The following ITGA9 variants were observed in gnomAD, a reference collection of about 807,000 sequenced individuals.
The protein encoded by ITGA9 is integrin alpha-9.
A neutral mutation model predicts 127.8 loss-of-function variants in ITGA9; 56 were observed. That is an observed-to-expected ratio of 0.44 (90% CI 0.35 to 0.55). ITGA9 has a LOEUF of 0.55. Among genes scored for constraint, ITGA9 ranks in the 20% least tolerant of loss-of-function variants. ITGA9 has a pLI of 0.00. For synonymous variants in ITGA9, 508 were observed against 514.5 expected (o/e 0.99, Z 0.17); for missense variants, 1,196 against 1,347.1 (o/e 0.89, Z 1.76).
chr3:37,777,367 C>T (rs1164926701), intron 23 of ITGA9, 25 bp from the exon 24 acceptor site: 3 of 1,613,964 alleles, frequency 1.9e-6, no homozygotes, highest in South Asian at 2.2e-5. Context: ...AATGACTCCT[C>T]TGACAGGCCT....
Position 37,525,139 on chromosome 3 carries a change from C to T in ITGA9, c.1328-887C>T, listed in dbSNP as rs760229131. On this transcript the variant is annotated intron_variant, in intron 12 of 27. Coordinates refer to ENST00000264741, the MANE Select transcript of ITGA9 (RefSeq NM_002207.3). ...CCCCAGGGCCAGGGATTTATATGGC[C>T]GGGTTGGGGTGGTAGGGAGAAAGGC... 1.8e-4 allele frequency among the ~76,000 whole-genome samples: 28 copies of T among 152,122 alleles called. No individual in the cohort carries two copies. In the Middle Eastern group the frequency reaches 0.01, roughly 55 times the overall value.
intron 15 of ITGA9, among the ~76,000 whole-genome samples, chr3:37,606,763 A>G (rs772687586): frequency 6.6e-6 from 1 of 151,480 alleles, no homozygotes. Context: ...AATGACCACT[A>G]CTCCGAGCAT....
At chr3:37,780,667 C>T (rs1696966286) in intron 25 of ITGA9, among the ~76,000 whole-genome samples, 1 of 152,180 alleles carries the variant, frequency 6.6e-6, no homozygotes, top group African/African-American at 2.4e-5. Context: ...TTATACAATA[C>T]TTCTTTCCCT....
chr3:37,820,369 A>G lies in ITGA9; in HGVS notation c.*1380A>G, dbSNP rs57751214. ...GGCGTAATGGCTCCAGTAGCTCAGG[A>G]CAGTCCTCTAAAGGACAACCACAGA... On this transcript the variant is annotated 3_prime_UTR_variant, in exon 28 of 28. Coordinates refer to ENST00000264741, the MANE Select transcript of ITGA9 (RefSeq NM_002207.3). 0.1 allele frequency: 15,549 copies of G among 152,326 alleles called. 1,322 individuals carry two copies. The highest frequency in any genetic ancestry group is 0.23 in the African/African-American group (9,443 of 41,488). The allele number at this position is 152,326 out of a possible 1,614,324, so 9.4% of individuals were successfully genotyped here.
intron 15 of ITGA9, among the ~76,000 whole-genome samples, chr3:37,627,030 C>G (rs1435707757): frequency 3.9e-5 from 6 of 152,182 alleles, no homozygotes; most frequent in Non-Finnish European, 7.3e-5. Flanking sequence ...CAGGGAGGAT[C>G]TGGATCCTGG....
chr3:37,770,223 C>T (rs1488371279), intron 23 of ITGA9, among the ~76,000 whole-genome samples: 1 of 152,210 alleles, frequency 6.6e-6, no homozygotes, highest in Non-Finnish European at 1.5e-5. Flanking sequence ...CGTAAGGATT[C>T]AGCATATGCC....
intron 23 of ITGA9, among the ~76,000 whole-genome samples, chr3:37,755,262 A>G (rs763664016): frequency 1.3e-5 from 2 of 152,160 alleles, no homozygotes; most frequent in African/African-American, 2.4e-5. Context: ...TCTGACTCCA[A>G]AGTTCACGTG....
intron 15 of ITGA9, among the ~76,000 whole-genome samples, chr3:37,614,259 A>G (rs1700052108): frequency 6.6e-6 from 1 of 152,114 alleles, no homozygotes; most frequent in South Asian, 2.1e-4. Flanking sequence ...AGGTTTGTCA[A>G]AGATCAGATA....
At chr3:37,717,459 G>T (rs1701147193) in intron 18 of ITGA9, among the ~76,000 whole-genome samples, 1 of 152,196 alleles carries the variant, frequency 6.6e-6, no homozygotes, top group African/African-American at 2.4e-5. Context: ...GAAGAAAGAG[G>T]TTTAACTGAT....
intron 16 of ITGA9, among the ~76,000 whole-genome samples, chr3:37,640,444 A>G (rs1700321382): frequency 6.6e-6 from 1 of 152,140 alleles, no homozygotes; most frequent in African/African-American, 2.4e-5. Flanking sequence ...CCTCAGTCCT[A>G]CAACCACACA....
intron 15 of ITGA9, among the ~76,000 whole-genome samples, chr3:37,559,448 T>C (rs76718698): frequency 0.021 from 3,159 of 152,292 alleles, 120 homozygotes; most frequent in African/African-American, 0.071. Context: ...GCTTTTAAAG[T>C]GCTAAGCTCA....
intron 11 of ITGA9, among the ~76,000 whole-genome samples, chr3:37,520,942 C>G (rs867502578): frequency 2.6e-5 from 4 of 152,330 alleles, no homozygotes; most frequent in South Asian, 4.1e-4. Context: ...CTCCGGGGCC[C>G]TCCCAGTGTT....
chr3:37,504,191 T>TA (rs1698817675), intron 6 of ITGA9, among the ~76,000 whole-genome samples: 1 of 152,158 alleles, frequency 6.6e-6, no homozygotes, highest in Non-Finnish European at 1.5e-5. Context: ...TACTCTGGGG[T>TA]GTTTGCTCCT....
At chr3:37,594,267 G>GGAGCTGGTATA (rs1298999793) in intron 15 of ITGA9, among the ~76,000 whole-genome samples, 1 of 152,192 alleles carries the variant, frequency 6.6e-6, no homozygotes, top group Admixed American at 6.5e-5. Context: ...TTTATACCAG[G>GGAGCTGGTATA]AGCAAGTGGA....
At chr3:37,784,306 A>C (rs1184147793) in intron 25 of ITGA9, among the ~76,000 whole-genome samples, 1 of 152,052 alleles carries the variant, frequency 6.6e-6, no homozygotes, top group Non-Finnish European at 1.5e-5. Context: ...TATCTGGATC[A>C]GTGTCTTTGA....
intron 15 of ITGA9, among the ~76,000 whole-genome samples, chr3:37,550,918 G>T (rs761783935): frequency 6.6e-6 from 1 of 152,138 alleles, no homozygotes; most frequent in Admixed American, 6.5e-5. Flanking sequence ...GTGCTTGTTT[G>T]TTCCATGGGT....
intron 15 of ITGA9, among the ~76,000 whole-genome samples, chr3:37,575,169 T>G (rs1442433265): frequency 6.6e-6 from 1 of 152,140 alleles, no homozygotes; most frequent in African/African-American, 2.4e-5. Context: ...GTGCTGCTGG[T>G]GCCACTCATC....
chr3:37,779,737 G>A (rs1300729669), intron 24 of ITGA9, among the ~76,000 whole-genome samples, 165 bp from the exon 25 acceptor site: 1 of 152,184 alleles, frequency 6.6e-6, no homozygotes, highest in Non-Finnish European at 1.5e-5. Flanking sequence ...GAAATCCCTT[G>A]AATGCCCTCT....
At chr3:37,507,703 C>T (rs1208492818) in intron 7 of ITGA9, among the ~76,000 whole-genome samples, 1 of 152,162 alleles carries the variant, frequency 6.6e-6, no homozygotes, top group Non-Finnish European at 1.5e-5. Flanking sequence ...GACAATTCCA[C>T]ATTCCCAGGG....
Sources: allele counts gnomAD v4.1 joint callset (sites outside exome capture counted in the v4.1 genomes callset), GRCh38; gene constraint gnomAD v4.1.1; transcripts MANE v1.5; gene names NCBI Gene and HGNC (gene_info 2026-07-23, HGNC 2026-07-21).